JAK1: variants seen among roughly 807,000 people sequenced by gnomAD.
JAK1 encodes the protein Janus kinase 1.
JAK1 carries 16 observed loss-of-function variants against 136.6 expected under a neutral mutation model. The ratio of observed to expected loss-of-function variants is 0.12; its 90% CI spans 0.08 to 0.18. JAK1 has a LOEUF of 0.18. Among genes scored for constraint, JAK1 ranks in the 10% least tolerant of loss-of-function variants. The pLI is 1.00. For synonymous variants in JAK1, 492 were observed against 519.5 expected (o/e 0.95, Z 0.72); for missense variants, 859 against 1,450.1 (o/e 0.59, Z 6.62).
At chr1:64,916,158 C>T (rs1032723612) in intron 1 of JAK1, among the ~76,000 whole-genome samples, 1 of 152,108 alleles carries the variant, frequency 6.6e-6, no homozygotes, top group Non-Finnish European at 1.5e-5. Flanking sequence ...TGAGGAAAGC[C>T]TCTAATGCAG....
intron 1 of JAK1, among the ~76,000 whole-genome samples, chr1:65,065,754 C>T (rs1648011823): frequency 6.6e-6 from 1 of 150,528 alleles, no homozygotes; most frequent in South Asian, 2.1e-4. Context: ...CAGAGACAGG[C>T]TGCTTAGGCC....
At chr1:65,001,678 T>G (rs1295577647) in intron 2 of JAK1, among the ~76,000 whole-genome samples, 579 of 96,676 alleles carry the variant, frequency 6.0e-3, no homozygotes, top group South Asian at 9.0e-3. Context: ...AGTGTGTGTG[T>G]GGGGGGGGGG....
chr1:65,036,737 C>T (rs1375111596), intron 2 of JAK1, among the ~76,000 whole-genome samples: 1 of 152,142 alleles, frequency 6.6e-6, no homozygotes, highest in Non-Finnish European at 1.5e-5. Flanking sequence ...AATAATGAAA[C>T]TTTGGAAAGA....
At chr1:64,928,223 C>T (rs998255510) in intron 1 of JAK1, among the ~76,000 whole-genome samples, 6 of 152,214 alleles carry the variant, frequency 3.9e-5, no homozygotes, top group Admixed American at 2.6e-4. Flanking sequence ...CTGGTTCCTT[C>T]ACTGCCACCT....
At chr1:64,973,307 GAGAA>G (rs566058087) in intron 2 of JAK1, among the ~76,000 whole-genome samples, 2,215 of 143,584 alleles carry the variant, frequency 0.015, 25 homozygotes, top group Middle Eastern at 0.028. Flanking sequence ...AAGAAAGAGA[GAGAA>G]AGGAAGGAAG....
At chr1:64,988,946 GTGTATATA>G (rs1263648793) in intron 2 of JAK1, among the ~76,000 whole-genome samples, 2 of 127,942 alleles carry the variant, frequency 1.6e-5, no homozygotes, top group African/African-American at 3.0e-5. Context: ...ATATATGTAT[GTGTATATA>G]TATGTATGTA....
chr1:65,000,936 C>A (rs368215217), intron 2 of JAK1, among the ~76,000 whole-genome samples: 1 of 151,190 alleles, frequency 6.6e-6, no homozygotes, highest in Non-Finnish European at 1.5e-5. Flanking sequence ...GGCTGGAGTG[C>A]GGTGGCGCCA....
At chr1:64,928,651 A>G (rs1489066969) in intron 1 of JAK1, among the ~76,000 whole-genome samples, 1 of 152,058 alleles carries the variant, frequency 6.6e-6, no homozygotes, top group Non-Finnish European at 1.5e-5. Context: ...ACATTTGGAA[A>G]GTCACTTCAC....
intron 2 of JAK1, among the ~76,000 whole-genome samples, chr1:65,001,839 G>A (rs1421425776): frequency 6.6e-6 from 1 of 151,882 alleles, no homozygotes; most frequent in Non-Finnish European, 1.5e-5. Flanking sequence ...TGGTGATGCA[G>A]GTAAGTGATT....
chr1:64,909,471 AAC>A (rs776226708), intron 1 of JAK1, among the ~76,000 whole-genome samples: 3 of 152,128 alleles, frequency 2.0e-5, no homozygotes, highest in Non-Finnish European at 2.9e-5. Context: ...ATGACAAAGA[AAC>A]AGAAAGAGAT....
intron 3 of JAK1, 148 bp from the exon 4 acceptor site, chr1:64,879,296 G>A (rs554638792): frequency 8.3e-5 from 72 of 872,398 alleles, no homozygotes; most frequent in African/African-American, 7.4e-4. Context: ...ACAGACTTCC[G>A]ACCAGGTTCG....
intron 9 of JAK1, among the ~76,000 whole-genome samples, chr1:64,858,860 T>C (rs939924192): frequency 6.6e-6 from 1 of 152,066 alleles, no homozygotes; most frequent in Non-Finnish European, 1.5e-5. Flanking sequence ...TATGATTGTA[T>C]ATAAGGTGGT....
intron 1 of JAK1, among the ~76,000 whole-genome samples, chr1:64,937,927 T>A (rs1645819196): frequency 6.6e-6 from 1 of 152,096 alleles, no homozygotes; most frequent in Admixed American, 6.6e-5. Context: ...TCGCCCAGGC[T>A]GGAGTGCAGT....
intron 5 of JAK1, among the ~76,000 whole-genome samples, chr1:64,870,951 C>A (rs1657038286): frequency 6.6e-6 from 1 of 152,108 alleles, no homozygotes; most frequent in Non-Finnish European, 1.5e-5. Flanking sequence ...ACAGCTACCT[C>A]AAGTCACTTA....
In JAK1 at chr1:64,839,133, G is replaced by C. The variant is rs539271723; in HGVS notation, c.2842+470C>G. On this transcript the variant is annotated intron_variant, in intron 20 of 24. Transcript: ENST00000342505. ...TGCAGTCCAGCCTGGGCCACAGAGC[G>C]AGACTCCGTCTCAAAAAAAAAAAAA... Among the ~76,000 whole-genome samples the C allele has an allele frequency of 7.7e-5, 9 of 117,532 alleles. No individual in the cohort carries two copies. In the South Asian group the frequency reaches 8.4e-4, roughly 11 times the overall value. The allele number at this position is 117,532 out of a possible 152,430, so 77.1% of individuals were successfully genotyped here. A position where few individuals can be genotyped will look rare whatever the true frequency, so the allele number is the denominator to read the frequency against.
At chr1:65,061,737 A>G (rs1647800194) in intron 1 of JAK1, among the ~76,000 whole-genome samples, 1 of 152,182 alleles carries the variant, frequency 6.6e-6, no homozygotes, top group Non-Finnish European at 1.5e-5. Flanking sequence ...CTGCTTTGTC[A>G]CAAGTACACA....
intron 3 of JAK1, among the ~76,000 whole-genome samples, chr1:64,882,495 T>A (rs1227708681): frequency 6.6e-6 from 1 of 152,224 alleles, no homozygotes; most frequent in Non-Finnish European, 1.5e-5. Context: ...CAGATTCTAG[T>A]GTATTTACTC....
At chr1:65,006,821 T>G (rs1017832287) in intron 2 of JAK1, among the ~76,000 whole-genome samples, 1 of 152,216 alleles carries the variant, frequency 6.6e-6, no homozygotes, top group Non-Finnish European at 1.5e-5. Flanking sequence ...CGTTGATTCA[T>G]CCAGACATTA....
chr1:64,844,435 A>T lies in JAK1; in HGVS notation c.2252-220T>A, dbSNP rs1029688036. ...TGATACATCAGTCTGGGTCACAGCC[A>T]GCAGATGGGTCCCTGCCTCCAAGCT... On this transcript the variant is annotated intron_variant, in intron 16 of 24. Coordinates refer to ENST00000342505, the MANE Select transcript of JAK1 (RefSeq NM_002227.4). The surrounding 1 kb of genome is among the most constrained non-coding windows in gnomAD (Gnocchi z 5.7). 1.3e-5 allele frequency among the ~76,000 whole-genome samples: 2 copies of T among 152,218 alleles called. No individual in the cohort carries two copies. The highest frequency in any genetic ancestry group is 4.8e-5 in the African/African-American group (2 of 41,472).
Sources: allele counts gnomAD v4.1 joint callset (sites outside exome capture counted in the v4.1 genomes callset), GRCh38; gene constraint gnomAD v4.1.1; non-coding constraint Gnocchi (gnomAD v3.1); transcripts MANE v1.5; gene names NCBI Gene and HGNC (gene_info 2026-07-23, HGNC 2026-07-21).